The following LOXHD1 variants were observed in gnomAD, a reference collection of about 807,000 sequenced individuals.
LOXHD1 encodes lipoxygenase homology PLAT domains 1, also known as lipoxygenase homology domain-containing protein 1.
Under a neutral mutation model 248.2 loss-of-function variants are expected in LOXHD1, and 205 were observed. The ratio of observed to expected loss-of-function variants is 0.83; its 90% CI spans 0.74 to 0.93. The LOEUF (loss-of-function observed/expected upper bound fraction) is 0.93, where lower values mean the gene tolerates loss of function less well. Among genes scored for constraint, LOXHD1 ranks in the 40% least tolerant of loss-of-function variants. The pLI, the probability that LOXHD1 is intolerant of heterozygous loss-of-function variation, is 0.00. For synonymous variants in LOXHD1, 1,113 were observed against 1,162.8 expected (o/e 0.96, Z 0.87); for missense variants, 2,930 against 2,971.6 (o/e 0.99, Z 0.33).
intron 21 of LOXHD1, among the ~76,000 whole-genome samples, chr18:46,550,279 G>A (rs986425921): frequency 2.0e-5 from 3 of 152,190 alleles, no homozygotes; most frequent in Non-Finnish European, 4.4e-5. Flanking sequence ...GGATTTTTAA[G>A]AGTCAGCGTG....
chr18:46,562,781 G>T (rs1452831779), intron 18 of LOXHD1, among the ~76,000 whole-genome samples: 1 of 152,172 alleles, frequency 6.6e-6, no homozygotes, highest in Non-Finnish European at 1.5e-5. Flanking sequence ...ATCCCCAGAG[G>T]TTCTGATTTG....
chr18:46,501,287 CA>C (rs1451454954), intron 37 of LOXHD1, among the ~76,000 whole-genome samples: 1 of 152,208 alleles, frequency 6.6e-6, no homozygotes, highest in African/African-American at 2.4e-5. Context: ...TGAGGCTGAA[CA>C]AGGCAACACT....
intron 35 of LOXHD1, among the ~76,000 whole-genome samples, chr18:46,509,054 G>A (rs2034776863): frequency 6.6e-6 from 1 of 152,216 alleles, no homozygotes; most frequent in Admixed American, 6.5e-5. Context: ...GTGGCCATGT[G>A]CATGTATGTG....
rs368019159 is a variant in LOXHD1 at position 46,524,976 on chromosome 18, A to T, written c.4531-59T>A. On this transcript the variant is annotated intron_variant, in intron 29 of 40. Transcript: ENST00000642948. ...GTGTGCCACCCACTCAACCCACTCCAGCCCCACCCTTCTGGGACCTTCCTT... is the reference window on the plus strand; with the variant it reads ...GTGTGCCACCCACTCAACCCACTCCTGCCCCACCCTTCTGGGACCTTCCTT... 53 of 1,531,124 alleles carry T rather than the reference A, an allele frequency of 3.5e-5. No individual in the cohort carries two copies. In the South Asian group the frequency reaches 5.6e-4, roughly 16 times the overall value. 94.8% of individuals were successfully genotyped at this position (1,531,124 alleles called of 1,614,324 possible).
chr18:46,627,558 A>G (rs2038759774), intron 4 of LOXHD1, among the ~76,000 whole-genome samples: 1 of 152,260 alleles, frequency 6.6e-6, no homozygotes, highest in African/African-American at 2.4e-5. Flanking sequence ...TAAAGATAAA[A>G]ATAACCAAGT....
Position 46,529,309 on chromosome 18 carries a change from G to A in LOXHD1, c.4398C>T (p.Ile1466=). The A allele has an allele frequency of 1.9e-6, 3 of 1,550,824 alleles. No individual in the cohort carries two copies. Among genetic ancestry groups the A allele is most frequent in the Non-Finnish European group, 2.6e-6 (3 of 1,146,326 alleles). ...CTGCCCCAGGAATGTTCCCTGTGAA[G>A]ATCTGCACCGAGTACAGCACAACTG... ...PLDIVLYSVQ[I]FTGNIPGAGT... The change falls in exon 29 of 41, where the codon ATC becomes ATT. Residue 1466 remains isoleucine, a synonymous_variant. Transcript: ENST00000642948.
At chr18:46,621,565 T>C (rs1027624818) in intron 4 of LOXHD1, among the ~76,000 whole-genome samples, 1 of 152,190 alleles carries the variant, frequency 6.6e-6, no homozygotes, top group African/African-American at 2.4e-5. Context: ...CCCAATTTCC[T>C]GTGACTAGAG....
intron 21 of LOXHD1, among the ~76,000 whole-genome samples, chr18:46,550,074 G>A (rs2037023423): frequency 6.6e-6 from 1 of 152,176 alleles, no homozygotes; most frequent in South Asian, 2.1e-4. Context: ...TGTGGACAAG[G>A]TGACAAAGTA....
chr18:46,589,534 A>G (rs1289031191), intron 12 of LOXHD1, among the ~76,000 whole-genome samples: 2 of 152,248 alleles, frequency 1.3e-5, no homozygotes, highest in Non-Finnish European at 2.9e-5. Flanking sequence ...CTTAGTATGC[A>G]TACAAATTAC....
intron 4 of LOXHD1, among the ~76,000 whole-genome samples, chr18:46,624,564 C>T (rs975080679): frequency 6.6e-6 from 1 of 152,206 alleles, no homozygotes; most frequent in Non-Finnish European, 1.5e-5. Flanking sequence ...GTTTCCTCTT[C>T]CTTCGTCAGG....
At position 46,566,412 on chromosome 18, in the gene LOXHD1, A is replaced by G. The variant is rs2037642478; in HGVS notation, c.2282T>C (p.Met761Thr). The stretch of plus-strand genomic sequence containing the variant: ...GCTGCCCAGGAACCAGCTGGCATGC[A>G]TGCCAGTGCTGTCATGCCCAATCAC... ...RLVIGHDSTG[M>T]HASWFLGSVQ... Residue 761 changes from methionine (M) to threonine (T), a missense_variant, in exon 17 of 41, where the codon ATG becomes ACG. Transcript: ENST00000642948. 1 of 1,551,202 alleles carries G rather than the reference A, an allele frequency of 6.4e-7. No homozygotes were observed. Among genetic ancestry groups the G allele is most frequent in the Admixed American group, 2.0e-5 (1 of 51,012 alleles).
At chr18:46,542,288 AGG>A (rs2036596077) in intron 24 of LOXHD1, among the ~76,000 whole-genome samples, 1 of 152,206 alleles carries the variant, frequency 6.6e-6, no homozygotes, top group Admixed American at 6.5e-5. Flanking sequence ...CAGGGATGCC[AGG>A]AAGAGCCTGT....
At chr18:46,560,021 C>A in intron 19 of LOXHD1, 62 bp downstream of exon 19, 7 of 1,500,052 alleles carry the variant, frequency 4.7e-6, no homozygotes, top group Non-Finnish European at 4.5e-6. Flanking sequence ...CCCCAGTGGG[C>A]CCCCTTTAGG....
rs1402083068 is a variant in LOXHD1 at position 46,579,803 on chromosome 18, G to T, written c.1655-19C>A. ...CGGGCCACTGGCAGGCAGAGAGAGG[G>T]ACATCATTGCTGACAGCCCCCTGCT... On this transcript the variant is annotated intron_variant, in intron 12 of 40. Transcript: ENST00000642948. 3 of 1,548,308 alleles carry T rather than the reference G, an allele frequency of 1.9e-6. No homozygotes were observed. The Admixed American group carries it at 5.9e-5, about 30-fold the overall frequency.
chr18:46,595,853 C>A (rs2038249029), intron 8 of LOXHD1, among the ~76,000 whole-genome samples: 1 of 152,172 alleles, frequency 6.6e-6, no homozygotes, highest in South Asian at 2.1e-4. Flanking sequence ...GAATTGTTCT[C>A]TCATTGTTAA....
Position 46,560,433 on chromosome 18 carries a change from C to A in LOXHD1, c.2711G>T (p.Arg904Leu). 6.5e-7 allele frequency: 1 copy of A among 1,545,988 alleles called. No homozygotes were observed. Among genetic ancestry groups the A allele is most frequent in the East Asian group, 2.4e-5 (1 of 40,904 alleles). Reference protein sequence around the residue: ...DTVWLRHLVVREVDLTPEEEA... With the variant: ...DTVWLRHLVVLEVDLTPEEEA... ...CTCCTCCGGCGTGAGGTCCACCTCCCGCACCACCAGGTGCCGCAGCCACAC... is the reference window on the plus strand; with the variant it reads ...CTCCTCCGGCGTGAGGTCCACCTCCAGCACCACCAGGTGCCGCAGCCACAC... Residue 904 changes from arginine to leucine, a missense_variant, in exon 19 of 41, where the codon CGG (arginine) becomes CTG (leucine). Arg to Leu is a moderately radical substitution (Grantham distance 102). Coordinates refer to ENST00000642948, the MANE Select transcript of LOXHD1 (RefSeq NM_001384474.1).
chr18:46,479,841 T>G (rs987939600), intron 40 of LOXHD1, among the ~76,000 whole-genome samples: 2 of 151,576 alleles, frequency 1.3e-5, no homozygotes, highest in Non-Finnish European at 2.9e-5. Context: ...CATTCTTGAA[T>G]CTCATTAGCT....
intron 1 of LOXHD1, 150 bp from the exon 2 acceptor site, chr18:46,649,419 G>A (rs2039078963): frequency 4.7e-6 from 3 of 638,772 alleles, no homozygotes; most frequent in Non-Finnish European, 5.5e-6. Context: ...GAGCCATGGT[G>A]AGACCCACGA....
chr18:46,560,635 G>T, intron 18 of LOXHD1, 90 bp from the exon 19 acceptor site: 1 of 1,234,610 alleles, frequency 8.1e-7, no homozygotes, highest in Non-Finnish European at 1.1e-6. Flanking sequence ...CCAGGCACAA[G>T]GCCTGTTTGC....
Sources: allele counts gnomAD v4.1 joint callset (sites outside exome capture counted in the v4.1 genomes callset), GRCh38; gene constraint gnomAD v4.1.1; transcripts MANE v1.5; gene names NCBI Gene and HGNC (gene_info 2026-07-23, HGNC 2026-07-21).